The following RNF111 variants were observed in gnomAD, a reference collection of about 807,000 sequenced individuals.
RNF111 encodes E3 ubiquitin-protein ligase Arkadia.
In RNF111, 17 loss-of-function variants were observed where a neutral mutation model predicts 95.1. The observed-to-expected ratio is 0.18, with a 90% CI of 0.12 to 0.27. The LOEUF (loss-of-function observed/expected upper bound fraction) is 0.27, where lower values mean the gene tolerates loss of function less well. Among genes scored for constraint, RNF111 ranks in the 10% least tolerant of loss-of-function variants. RNF111 has a pLI of 1.00. For synonymous variants in RNF111, 440 were observed against 414.8 expected, an observed-to-expected ratio of 1.06 and a Z score of -0.74; for missense variants, 1,189 against 1,210.4, an observed-to-expected ratio of 0.98 and a Z score of 0.26.
chr15:59,010,232 A>T (rs1370062362), intron 1 of RNF111, among the ~76,000 whole-genome samples: 1 of 152,226 alleles, frequency 6.6e-6, no homozygotes, highest in Non-Finnish European at 1.5e-5. Context: ...TAATTTAAGA[A>T]AAATATTTAT....
chr15:59,059,332 A>G (rs1056480761), intron 5 of RNF111, among the ~76,000 whole-genome samples: 11 of 152,232 alleles, frequency 7.2e-5, no homozygotes, highest in Middle Eastern at 3.2e-3. Flanking sequence ...TAGGGTGTCT[A>G]TAACACAAAC....
intron 2 of RNF111, among the ~76,000 whole-genome samples, chr15:59,040,137 G>T (rs2041378357): frequency 6.6e-6 from 1 of 151,322 alleles, no homozygotes; most frequent in Non-Finnish European, 1.5e-5. Flanking sequence ...TTTTTAAAGG[G>T]ACGGTCTCAC....
intron 7 of RNF111, among the ~76,000 whole-genome samples, chr15:59,078,902 A>G (rs1308700876): frequency 6.6e-6 from 1 of 151,886 alleles, no homozygotes; most frequent in Admixed American, 6.6e-5. Context: ...AGGTAAGGCT[A>G]CTTACGATTA....
intron 1 of RNF111, among the ~76,000 whole-genome samples, chr15:59,022,837 T>G (rs1195308900): frequency 1.3e-5 from 2 of 152,214 alleles, no homozygotes; most frequent in Non-Finnish European, 2.9e-5. Flanking sequence ...AGAGGGTGTC[T>G]AGGTTTTACT....
At chr15:59,010,881 T>G (rs771381934) in intron 1 of RNF111, among the ~76,000 whole-genome samples, 3 of 152,188 alleles carry the variant, frequency 2.0e-5, no homozygotes, top group Non-Finnish European at 4.4e-5. Context: ...TCTCCTGTTA[T>G]TTAATTGGAA....
chr15:59,031,681 A>G lies in RNF111; in HGVS notation c.859A>G (p.Asn287Asp). The G allele has an allele frequency of 6.2e-7, 1 of 1,613,908 alleles. No individual in the cohort carries two copies. The highest frequency in any genetic ancestry group is 8.5e-7 in the Non-Finnish European group (1 of 1,179,900). The change falls in exon 2 of 14, where the codon AAC becomes GAC. Residue 287 changes from asparagine to aspartate, a missense_variant. Coordinates refer to ENST00000348370, the MANE Select transcript of RNF111 (RefSeq NM_017610.8). ...TGTTTCTGCCAGTGAAAACCACCAA[A>G]ACAATCCAGCTGTTCCCTCAGGTAA... ...LFVSASENHQ[N>D]NPAVPSGSID...
intron 8 of RNF111, among the ~76,000 whole-genome samples, chr15:59,081,673 G>T (rs976016412): frequency 4.6e-5 from 7 of 152,068 alleles, no homozygotes; most frequent in Admixed American, 1.3e-4. Flanking sequence ...AGCTATGACT[G>T]TGCCACTGCA....
chr15:59,057,173 G>T (rs1424025892), intron 4 of RNF111, among the ~76,000 whole-genome samples: 1 of 152,168 alleles, frequency 6.6e-6, no homozygotes, highest in Non-Finnish European at 1.5e-5. Flanking sequence ...AATGGATAGA[G>T]ACCATGGTTG....
At chr15:59,005,696 T>C (rs1342666010) in intron 1 of RNF111, among the ~76,000 whole-genome samples, 3 of 152,098 alleles carry the variant, frequency 2.0e-5, no homozygotes, top group Non-Finnish European at 4.4e-5. Context: ...TGTATATGTA[T>C]ATGTGGTGAT....
chr15:59,001,821 A>T (rs1381152985), intron 1 of RNF111, among the ~76,000 whole-genome samples: 2 of 152,316 alleles, frequency 1.3e-5, no homozygotes, highest in Non-Finnish European at 2.9e-5. Context: ...TCCATGAGGG[A>T]TACAGTCCAA....
chr15:59,000,415 T>C (rs1160628805), intron 1 of RNF111, among the ~76,000 whole-genome samples: 2 of 151,788 alleles, frequency 1.3e-5, no homozygotes, highest in Non-Finnish European at 2.9e-5. Flanking sequence ...TTTTTAAGAT[T>C]ATGAAGGACC....
chr15:59,034,147 C>G lies in RNF111; in HGVS notation c.880+2445C>G, dbSNP rs1203455040. ...AAATAATGTGGCTCTTTTTATATCA[C>G]TATGTATAGTTATCTCATTCTTCTT... On this transcript the variant is annotated intron_variant, in intron 2 of 13. Coordinates refer to ENST00000348370, the MANE Select transcript of RNF111 (RefSeq NM_017610.8). Among the ~76,000 whole-genome samples, 3 of 152,128 alleles carry G rather than the reference C, an allele frequency of 2.0e-5. No individual in the cohort carries two copies. The East Asian group carries it at 5.8e-4, about 29-fold the overall frequency.
chr15:58,991,783 C>G (rs907034555), intron 1 of RNF111, among the ~76,000 whole-genome samples: 1 of 152,166 alleles, frequency 6.6e-6, no homozygotes, highest in African/African-American at 2.4e-5. Flanking sequence ...ATGATGTAGA[C>G]AGATTAAAAT....
intron 1 of RNF111, among the ~76,000 whole-genome samples, chr15:59,017,710 C>T (rs891232142): frequency 4.0e-5 from 6 of 149,120 alleles, no homozygotes; most frequent in Admixed American, 1.3e-4. Context: ...ACAAAAGGTC[C>T]TGGAGGTTTG....
At chr15:59,040,123 T>A (rs2041377819) in intron 2 of RNF111, among the ~76,000 whole-genome samples, 1 of 152,136 alleles carries the variant, frequency 6.6e-6, no homozygotes, top group African/African-American at 2.4e-5. Flanking sequence ...AACCTAATTT[T>A]TTTTTTTTAA....
At chr15:58,996,648 T>A (rs1272130919) in intron 1 of RNF111, among the ~76,000 whole-genome samples, 2 of 73,390 alleles carry the variant, frequency 2.7e-5, no homozygotes, top group South Asian at 1.4e-3. Flanking sequence ...ATCAGTACTT[T>A]CTTTTTTTTT....
chr15:59,068,988 C>T (rs1205951373), intron 6 of RNF111, among the ~76,000 whole-genome samples: 4 of 147,740 alleles, frequency 2.7e-5, no homozygotes, highest in East Asian at 2.0e-4. Context: ...GCAGGAGAAT[C>T]GATTGAACGT....
chr15:59,071,141 C>CA (rs1377944734), intron 6 of RNF111, among the ~76,000 whole-genome samples: 4 of 150,828 alleles, frequency 2.7e-5, no homozygotes, highest in East Asian at 2.0e-4. Flanking sequence ...ACTAAGTATA[C>CA]AAAAAAAGTA....
intron 1 of RNF111, among the ~76,000 whole-genome samples, chr15:58,992,296 C>T (rs751642989): frequency 6.6e-5 from 10 of 152,084 alleles, no homozygotes; most frequent in Non-Finnish European, 1.5e-4. Context: ...TCGCCCGTCT[C>T]GGCCTCCCAA....
Sources: gnomAD v4.1 joint callset for allele counts (sites outside exome capture counted in the v4.1 genomes callset) on GRCh38, gnomAD v4.1.1 for gene constraint, MANE v1.5 for transcripts, NCBI Gene and HGNC (gene_info 2026-07-23, HGNC 2026-07-21) for gene names.